The following SH3PXD2A variants were observed in gnomAD, a reference collection of about 807,000 sequenced individuals.
SH3PXD2A encodes the protein SH3 and PX domain-containing protein 2A.
In SH3PXD2A, 32 loss-of-function variants were observed where a neutral mutation model predicts 115.2. The observed-to-expected ratio is 0.28, with a 90% confidence interval of 0.21 to 0.37. The LOEUF is 0.37. SH3PXD2A is among the 10% of genes least tolerant of loss of function. The pLI, the probability that SH3PXD2A is intolerant of heterozygous loss-of-function variation, is 1.00. For missense variants in SH3PXD2A, 1,328 were observed against 1,498.7 expected, an observed-to-expected ratio of 0.89 and a Z score of 1.88; for synonymous variants, 610 against 629.1, an observed-to-expected ratio of 0.97 and a Z score of 0.45.
chr10:103,614,954 G>A (rs1250610197), intron 11 of SH3PXD2A, among the ~76,000 whole-genome samples: 1 of 152,204 alleles, frequency 6.6e-6, no homozygotes, highest in East Asian at 1.9e-4. Context: ...CCCAGGGATT[G>A]GGAGGCAGAG....
intron 6 of SH3PXD2A, among the ~76,000 whole-genome samples, chr10:103,676,642 G>C (rs1417127428): frequency 6.6e-6 from 1 of 152,084 alleles, no homozygotes; most frequent in Non-Finnish European, 1.5e-5. Context: ...GAGAGGTGCC[G>C]TGGGTGGACA....
At chr10:103,714,759 C>G (rs1469685939) in intron 5 of SH3PXD2A, among the ~76,000 whole-genome samples, 2 of 152,254 alleles carry the variant, frequency 1.3e-5, no homozygotes, top group Non-Finnish European at 2.9e-5. Flanking sequence ...TGTGCAGCAG[C>G]CAGTGGCAGG....
intron 2 of SH3PXD2A, among the ~76,000 whole-genome samples, chr10:103,797,268 C>T (rs889282320): frequency 1.3e-5 from 2 of 152,128 alleles, no homozygotes; most frequent in African/African-American, 4.8e-5. Context: ...TCACAGGTAG[C>T]AGGTAAGCTG....
intron 11 of SH3PXD2A, among the ~76,000 whole-genome samples, chr10:103,613,632 G>A (rs1004912154): frequency 6.6e-6 from 1 of 152,190 alleles, no homozygotes; most frequent in African/African-American, 2.4e-5. Flanking sequence ...ATTAGAGAGG[G>A]AATTGACTCC....
At chr10:103,807,014 G>T (rs2039211568) in intron 1 of SH3PXD2A, among the ~76,000 whole-genome samples, 1 of 152,172 alleles carries the variant, frequency 6.6e-6, no homozygotes, top group African/African-American at 2.4e-5. Context: ...AGCTCACAAG[G>T]CCCACCAATG....
chr10:103,659,011 C>T (rs542603087), intron 8 of SH3PXD2A, among the ~76,000 whole-genome samples: 3 of 152,336 alleles, frequency 2.0e-5, no homozygotes, highest in Admixed American at 6.5e-5. Context: ...GCTCTGGCCA[C>T]GGGTGGCCGT....
chr10:103,681,759 C>T (rs1323566152), intron 6 of SH3PXD2A, among the ~76,000 whole-genome samples: 1 of 56,022 alleles, frequency 1.8e-5, no homozygotes, highest in Non-Finnish European at 4.8e-5. Context: ...CACACGCGCC[C>T]GCGCGCGCGC....
At chr10:103,715,703 A>G (rs1241135877) in intron 5 of SH3PXD2A, among the ~76,000 whole-genome samples, 2 of 152,232 alleles carry the variant, frequency 1.3e-5, no homozygotes, top group African/African-American at 4.8e-5. Flanking sequence ...CTAACTCAAG[A>G]GGCTGGCAGC....
rs1554901348 is a variant in SH3PXD2A, at chr10:103,596,663, A to ACTCT, written c.*5149_*5152dup. Reference sequence around the variant, plus strand: ...CACACACACACACACACACACACACACTCTCTCTCTCTCTCTCTCTCTCAC... The same window carrying ACTCT: ...CACACACACACACACACACACACACACTCTCTCTCTCTCTCTCTCTCTCTCTCAC... On this transcript the variant is annotated 3_prime_UTR_variant, in exon 15 of 15. Coordinates refer to ENST00000369774, the MANE Select transcript of SH3PXD2A (RefSeq NM_001394015.1). 12,287 of 124,382 alleles carry ACTCT rather than the reference A, an allele frequency of 0.099. 694 individuals are homozygous for ACTCT. The highest frequency in any genetic ancestry group is 0.11 in the Non-Finnish European group (6,832 of 59,902). The allele number at this position is 124,382 out of a possible 1,614,324, so 7.7% of individuals were successfully genotyped here.
chr10:103,658,342 C>T (rs2037241712), intron 8 of SH3PXD2A, among the ~76,000 whole-genome samples: 1 of 152,228 alleles, frequency 6.6e-6, no homozygotes, highest in Admixed American at 6.5e-5. Context: ...GGGGCCATTG[C>T]CCAACAACGC....
At chr10:103,634,973 G>A (rs534869072) in intron 8 of SH3PXD2A, among the ~76,000 whole-genome samples, 7 of 152,278 alleles carry the variant, frequency 4.6e-5, no homozygotes, top group Admixed American at 3.9e-4. Context: ...GGCGGTGGTC[G>A]TTAATCACTA....
intron 1 of SH3PXD2A, among the ~76,000 whole-genome samples, chr10:103,813,568 T>C (rs371169748): frequency 5.9e-5 from 9 of 152,338 alleles, no homozygotes; most frequent in African/African-American, 2.2e-4. Context: ...TCCTCCTGCC[T>C]CAGCCTCCCA....
intron 5 of SH3PXD2A, among the ~76,000 whole-genome samples, chr10:103,710,452 T>C (rs1269428163): frequency 6.6e-6 from 1 of 152,204 alleles, no homozygotes; most frequent in Non-Finnish European, 1.5e-5. Flanking sequence ...AATTGAGCTA[T>C]TATTAGCTTT....
intron 1 of SH3PXD2A, among the ~76,000 whole-genome samples, chr10:103,821,819 G>A (rs1024043026): frequency 6.6e-6 from 1 of 151,944 alleles, no homozygotes; most frequent in Non-Finnish European, 1.5e-5. Flanking sequence ...CTCTTGCCTC[G>A]GCCTCCCAAA....
chr10:103,702,291 A>AT (rs987322958), intron 5 of SH3PXD2A, among the ~76,000 whole-genome samples: 15 of 152,268 alleles, frequency 9.9e-5, no homozygotes, highest in East Asian at 7.7e-4. Context: ...CCTCTTTTTC[A>AT]TTTTTTTGTC....
At chr10:103,722,806 C>T (rs2038198377) in intron 5 of SH3PXD2A, among the ~76,000 whole-genome samples, 1 of 152,134 alleles carries the variant, frequency 6.6e-6, no homozygotes, top group South Asian at 2.1e-4. Flanking sequence ...TGTGGCTTTC[C>T]ACTGCTTCAC....
At chr10:103,660,037 A>G (rs552204477) in intron 8 of SH3PXD2A, among the ~76,000 whole-genome samples, 29 of 152,232 alleles carry the variant, frequency 1.9e-4, no homozygotes, top group African/African-American at 7.0e-4. Flanking sequence ...CAAGGCATAG[A>G]GTGGGACTAG....
intron 7 of SH3PXD2A, among the ~76,000 whole-genome samples, chr10:103,667,421 A>C (rs2037397946): frequency 6.6e-6 from 1 of 152,208 alleles, no homozygotes; most frequent in Non-Finnish European, 1.5e-5. Context: ...CGTTTGGTGA[A>C]TAAAATGTAT....
At chr10:103,701,686 T>C (rs1265442425) in intron 5 of SH3PXD2A, among the ~76,000 whole-genome samples, 4 of 139,272 alleles carry the variant, frequency 2.9e-5, no homozygotes, top group African/African-American at 1.0e-4. Flanking sequence ...CATCCATCCA[T>C]CATTCATCCA....
Sources: allele counts gnomAD v4.1 joint callset (sites outside exome capture counted in the v4.1 genomes callset), GRCh38; gene constraint gnomAD v4.1.1; transcripts MANE v1.5; gene names NCBI Gene and HGNC (gene_info 2026-07-23, HGNC 2026-07-21).